The following KLF8 variants were observed in gnomAD, a reference collection of about 807,000 sequenced individuals.
The protein encoded by KLF8 is Krueppel-like factor 8.
Under a neutral mutation model 18.2 loss-of-function variants are expected in KLF8, and 10 were observed. The ratio of observed to expected loss-of-function variants is 0.55; its 90% CI spans 0.34 to 0.93. The LOEUF (loss-of-function observed/expected upper bound fraction) is 0.93, where lower values mean the gene tolerates loss of function less well. KLF8 is among the 40% of genes least tolerant of loss of function. The probability of loss-of-function intolerance (pLI) is 0.02; values close to 1 mark genes in which losing one functional copy is unlikely to be tolerated. For synonymous variants in KLF8, 109 were observed against 97.3 expected (o/e 1.12, Z -0.71); for missense variants, 264 against 277.9 (o/e 0.95, Z 0.36).
chrX:56,048,164 T>G, the KLF8 span, among the ~76,000 whole-genome samples: 1 of 112,026 alleles, frequency 8.9e-6, no homozygotes, highest in African/African-American at 3.2e-5. Flanking sequence ...ATTCTGGATA[T>G]TAGCCCTTTG....
chrX:55,937,063 G>A, the KLF8 span, among the ~76,000 whole-genome samples: 1 of 111,435 alleles, frequency 9.0e-6, no homozygotes, highest in African/African-American at 3.3e-5. Context: ...TCAGAGAACG[G>A]GCAGACTGCC....
the KLF8 span, among the ~76,000 whole-genome samples, chrX:55,940,054 C>T: frequency 9.0e-6 from 1 of 111,512 alleles, no homozygotes; most frequent in African/African-American, 3.3e-5. Flanking sequence ...GATACCAAAG[C>T]CTGGCAGAGA....
chrX:55,949,338 TG>T, the KLF8 span, among the ~76,000 whole-genome samples: 1 of 64,307 alleles, frequency 1.6e-5, no homozygotes, highest in East Asian at 3.6e-4. Flanking sequence ...ATATGCTGTG[TG>T]TGTGTGTGTG....
At chrX:56,027,465 G>A in the KLF8 span, among the ~76,000 whole-genome samples, 2 of 111,996 alleles carry the variant, frequency 1.8e-5, no homozygotes, top group Non-Finnish European at 3.8e-5. Context: ...TTTATATAAT[G>A]CCCCATGTAC....
At chrX:56,133,709 A>C in the KLF8 span, among the ~76,000 whole-genome samples, 1 of 111,818 alleles carries the variant, frequency 8.9e-6, no homozygotes, top group East Asian at 2.8e-4. Flanking sequence ...CAAATTGGTA[A>C]AGAGGAAATC....
the KLF8 span, chrX:55,908,469 G>A: frequency 3.4e-6 from 1 of 297,349 alleles, no homozygotes; most frequent in Non-Finnish European, 5.9e-6. Context: ...GATACCAAAA[G>A]GAAGAAAAAA....
At chrX:56,102,573 G>T in the KLF8 span, among the ~76,000 whole-genome samples, 1 of 110,440 alleles carries the variant, frequency 9.1e-6, no homozygotes, top group Non-Finnish European at 1.9e-5. Flanking sequence ...AACAATATTG[G>T]TTCTTCCATT....
chrX:55,963,821 G>A, the KLF8 span, among the ~76,000 whole-genome samples: 6 of 111,953 alleles, frequency 5.4e-5, no homozygotes, highest in South Asian at 1.5e-3. Context: ...GTATATATTC[G>A]TGTCATCTGC....
the KLF8 span, among the ~76,000 whole-genome samples, chrX:56,024,188 T>C: frequency 9.3e-6 from 1 of 107,888 alleles, no homozygotes; most frequent in Non-Finnish European, 1.9e-5. Context: ...AATCTGATGG[T>C]GAACAAAATG....
chrX:56,142,713 A>G, the KLF8 span, among the ~76,000 whole-genome samples: 2 of 111,418 alleles, frequency 1.8e-5, no homozygotes, highest in Non-Finnish European at 3.8e-5. Context: ...AACCTACTTA[A>G]CCTTCATTCT....
chrX:55,941,400 C>G, the KLF8 span, among the ~76,000 whole-genome samples: 1 of 111,551 alleles, frequency 9.0e-6, no homozygotes, highest in Admixed American at 9.6e-5. Flanking sequence ...AATGTTAGAC[C>G]TAAAACCATA....
At chrX:56,077,229 T>C in the KLF8 span, among the ~76,000 whole-genome samples, 2 of 112,186 alleles carry the variant, frequency 1.8e-5, no homozygotes, top group Admixed American at 1.9e-4. Flanking sequence ...GCCTATGTCC[T>C]GTATGGTAAT....
the KLF8 span, among the ~76,000 whole-genome samples, chrX:56,027,967 C>T: frequency 8.9e-6 from 1 of 112,200 alleles, no homozygotes; most frequent in Non-Finnish European, 1.9e-5. Flanking sequence ...AAGTTTTGCC[C>T]AAGGGTTAGC....
the KLF8 span, among the ~76,000 whole-genome samples, chrX:55,915,538 C>T: frequency 8.9e-6 from 1 of 112,020 alleles, no homozygotes. Context: ...GAGGTCACAA[C>T]TCAAGGGTTC....
chrX:56,089,181 C>T, the KLF8 span, among the ~76,000 whole-genome samples: 1 of 111,466 alleles, frequency 9.0e-6, no homozygotes, highest in Admixed American at 9.6e-5. Flanking sequence ...ATTTGTCAAC[C>T]TTAACTTTAT....
At chrX:56,236,569 G>A (rs529873409) in intron 1 of KLF8, among the ~76,000 whole-genome samples, 3 of 110,782 alleles carry the variant, frequency 2.7e-5, no homozygotes, top group Admixed American at 1.9e-4. Context: ...TAATTTAGGC[G>A]AGACGTGCAA....
chrX:56,254,671 G>A (rs2066765347), intron 2 of KLF8, among the ~76,000 whole-genome samples: 1 of 110,833 alleles, frequency 9.0e-6, no homozygotes, highest in Admixed American at 9.6e-5. Context: ...GGAGTGGGAA[G>A]GTAATCTTCC....
At chrX:56,087,913 A>AT in the KLF8 span, among the ~76,000 whole-genome samples, 321 of 105,020 alleles carry the variant, frequency 3.1e-3, 4 homozygotes, top group East Asian at 0.06. Flanking sequence ...GTCTTGGGTA[A>AT]TTTTTTTTTT....
chrX:56,092,974 A>G, the KLF8 span, among the ~76,000 whole-genome samples: 1 of 109,401 alleles, frequency 9.1e-6, no homozygotes, highest in South Asian at 3.9e-4. Context: ...ATAAATGTCA[A>G]AAGAAATTAC....
Sources: gnomAD v4.1 joint callset for allele counts (sites outside exome capture counted in the v4.1 genomes callset) on GRCh38, gnomAD v4.1.1 for gene constraint, MANE v1.5 for transcripts, NCBI Gene and HGNC (gene_info 2026-07-23, HGNC 2026-07-21) for gene names.